Variants in TEC observed in about 807,000 individuals in gnomAD.
TEC encodes the protein tyrosine-protein kinase Tec.
Under a neutral mutation model 93.0 loss-of-function variants are expected in TEC, and 72 were observed. The ratio of observed to expected loss-of-function variants is 0.77; its 90% CI spans 0.64 to 0.94. The LOEUF is 0.94. Among genes scored for constraint, TEC ranks in the 40% least tolerant of loss-of-function variants. TEC has a pLI of 0.00. For synonymous variants in TEC, 249 were observed against 247.7 expected, an observed-to-expected ratio of 1.01 and a Z score of -0.05; for missense variants, 630 against 757.9, an observed-to-expected ratio of 0.83 and a Z score of 1.98.
At chr4:48,254,590 T>C (rs1304485377) in intron 1 of TEC, among the ~76,000 whole-genome samples, 1 of 152,164 alleles carries the variant, frequency 6.6e-6, no homozygotes, top group Non-Finnish European at 1.5e-5. Flanking sequence ...CCAAAAAAAC[T>C]GGGGATAAGA....
At position 48,145,488 on chromosome 4, in the gene TEC, G is replaced by A. The variant is rs1719868649; in HGVS notation, c.1173C>T (p.Ala391=). The A allele has an allele frequency of 6.2e-7, 1 of 1,613,970 alleles. No individual in the cohort carries two copies. ...TAGCTTTGATTGCGACTTTGTACTG[G>A]GCTCGCCATTTGCCAAGCCTCACCA... ...FGVVRLGKWR[A]QYKVAIKAIR... The change falls in exon 13 of 18, where the codon GCC becomes GCT. Residue 391 remains alanine (A), a synonymous_variant. Transcript: ENST00000381501.
intron 8 of TEC, among the ~76,000 whole-genome samples, chr4:48,158,729 C>A (rs1720501735): frequency 6.6e-6 from 1 of 152,058 alleles, no homozygotes; most frequent in Non-Finnish European, 1.5e-5. Flanking sequence ...AAGAGGAAAC[C>A]AAACATAAGA....
At chr4:48,247,802 A>G (rs146249977) in intron 1 of TEC, among the ~76,000 whole-genome samples, 1 of 152,380 alleles carries the variant, frequency 6.6e-6, no homozygotes, top group African/African-American at 2.4e-5. Flanking sequence ...AGCATCATAA[A>G]TATAGTAAAA....
intron 1 of TEC, among the ~76,000 whole-genome samples, chr4:48,244,635 A>G (rs113524819): frequency 6.6e-6 from 1 of 152,236 alleles, no homozygotes. Flanking sequence ...TTCTTCACTC[A>G]TTTTTCAACA....
chr4:48,267,799 C>T (rs1724678809), intron 1 of TEC, among the ~76,000 whole-genome samples: 2 of 152,122 alleles, frequency 1.3e-5, no homozygotes, highest in Non-Finnish European at 2.9e-5. Flanking sequence ...CCCTGAACAA[C>T]ATGGTGATTT....
chr4:48,215,067 CGCTTGAACCCGGGAGGCGGA>C (rs1723028703), intron 2 of TEC, among the ~76,000 whole-genome samples: 1 of 151,788 alleles, frequency 6.6e-6, no homozygotes, highest in Non-Finnish European at 1.5e-5. Context: ...GCAGGAGAAT[CGCTTGAACCCGGGAGGCGGA>C]GGTTGCAGTA....
chr4:48,206,719 T>C (rs1722726273), intron 2 of TEC, among the ~76,000 whole-genome samples: 1 of 149,668 alleles, frequency 6.7e-6, no homozygotes, highest in African/African-American at 2.5e-5. Flanking sequence ...AACAGGTAGA[T>C]TGCTTGAGCC....
intron 3 of TEC, among the ~76,000 whole-genome samples, chr4:48,173,380 C>A (rs1721192584): frequency 6.6e-6 from 1 of 152,190 alleles, no homozygotes. Context: ...TAACTTGGGG[C>A]ATTTGTATTT....
At chr4:48,199,443 A>G (rs1722413126) in intron 2 of TEC, among the ~76,000 whole-genome samples, 1 of 144,346 alleles carries the variant, frequency 6.9e-6, no homozygotes, top group Non-Finnish European at 1.5e-5. Flanking sequence ...GGCTACAGAA[A>G]GGATTTTCTT....
At chr4:48,141,671 T>C (rs1206695497) in intron 14 of TEC, 17 of 361,950 alleles carry the variant, frequency 4.7e-5, no homozygotes, top group East Asian at 4.2e-4. Context: ...TTGTCTTTTT[T>C]TTTTCTTTTC....
At position 48,188,868 on chromosome 4, in the gene TEC, T is replaced by C. The variant is rs143667183; in HGVS notation, c.139-12682A>G. Among the ~76,000 whole-genome samples the C allele has an allele frequency of 5.6e-3, 848 of 151,952 alleles. 6 individuals carry two copies. Among genetic ancestry groups the C allele is most frequent in the Non-Finnish European group, 8.6e-3 (586 of 67,826 alleles). On this transcript the variant is annotated intron_variant, in intron 2 of 17. Coordinates refer to ENST00000381501, the MANE Select transcript of TEC (RefSeq NM_003215.3). ...ACACAGCAATATAACAAGGTGTGTG[T>C]GTGCATGTGTGTGTGTGTGTGCGCG...
intron 1 of TEC, among the ~76,000 whole-genome samples, chr4:48,230,836 T>G (rs1251717260): frequency 1.3e-5 from 2 of 152,186 alleles, no homozygotes; most frequent in East Asian, 3.9e-4. Flanking sequence ...TTTCCACCTG[T>G]GAAGATATAC....
At chr4:48,245,188 G>A (rs1193492080) in intron 1 of TEC, among the ~76,000 whole-genome samples, 1 of 151,904 alleles carries the variant, frequency 6.6e-6, no homozygotes, top group Non-Finnish European at 1.5e-5. Flanking sequence ...AGCTACTCAG[G>A]AGGCTGAGGC....
Position 48,136,278 on chromosome 4 carries a change from C to G in TEC, c.*1138G>C, listed in dbSNP as rs1206658898. 2 of 152,248 alleles carry G rather than the reference C, an allele frequency of 1.3e-5. No homozygotes were observed. The highest frequency in any genetic ancestry group is 4.8e-5 in the African/African-American group (2 of 41,462). 9.4% of individuals were successfully genotyped at this position (152,248 alleles called of 1,614,324 possible). On this transcript the variant is annotated 3_prime_UTR_variant, in exon 18 of 18. Coordinates refer to ENST00000381501, the MANE Select transcript of TEC (RefSeq NM_003215.3). ...CCTGAGAGGCTGTACAACAATCCCA[C>G]CATCCAGGAACCCAAGTCCAACCAG...
chr4:48,197,468 G>T (rs1055170159), intron 2 of TEC, among the ~76,000 whole-genome samples: 1 of 152,154 alleles, frequency 6.6e-6, no homozygotes, highest in African/African-American at 2.4e-5. Context: ...CATATGGATT[G>T]AGTTAAAGGC....
intron 11 of TEC, among the ~76,000 whole-genome samples, chr4:48,146,738 T>C (rs1719932464): frequency 6.6e-6 from 1 of 152,196 alleles, no homozygotes; most frequent in South Asian, 2.1e-4. Flanking sequence ...GTTATTCACC[T>C]GACATGACTC....
chr4:48,165,796 A>G (rs990786121), intron 7 of TEC, among the ~76,000 whole-genome samples: 3 of 152,252 alleles, frequency 2.0e-5, no homozygotes, highest in Non-Finnish European at 4.4e-5. Flanking sequence ...AGATATATTA[A>G]CCAAAATGCA....
At chr4:48,224,193 T>C (rs1723361424) in intron 2 of TEC, among the ~76,000 whole-genome samples, 1 of 152,186 alleles carries the variant, frequency 6.6e-6, no homozygotes, top group African/African-American at 2.4e-5. Flanking sequence ...TTGTAAGTTA[T>C]TTGCCAGCTT....
rs1261063502 is a variant in TEC, at chr4:48,142,847, A to AT, written c.1471-1429dup. The stretch of plus-strand genomic sequence containing the variant: ...AGGCGTCTGCCACCACGCCTGGCTA[A>AT]TTTTTTTTGTATTTTTAGTAGAGAC... On this transcript the variant is annotated intron_variant, in intron 14 of 17. Transcript: ENST00000381501. Among the ~76,000 whole-genome samples, 6 of 151,230 alleles carry AT rather than the reference A, an allele frequency of 4.0e-5. No homozygotes were observed. The East Asian group carries it at 9.8e-4, about 25-fold the overall frequency.
Sources: allele counts gnomAD v4.1 joint callset (sites outside exome capture counted in the v4.1 genomes callset), GRCh38; gene constraint gnomAD v4.1.1; transcripts MANE v1.5; gene names NCBI Gene and HGNC (gene_info 2026-07-23, HGNC 2026-07-21).